Variants in CSMD1 observed in about 807,000 individuals in gnomAD.
CSMD1 encodes the protein CUB and sushi domain-containing protein 1.
A neutral mutation model predicts 417.5 loss-of-function variants in CSMD1; 213 were observed. The observed-to-expected ratio is 0.51, with a 90% CI of 0.46 to 0.57. The LOEUF is 0.57. Ranked by LOEUF, CSMD1 falls within the 20% of genes least tolerant of loss-of-function variation. The pLI is 0.00. For missense variants in CSMD1, 6,923 were observed against 4,529.7 expected, an observed-to-expected ratio of 1.53 and a Z score of -15.17; for synonymous variants, 2,862 against 1,736.8, an observed-to-expected ratio of 1.65 and a Z score of -16.11.
chr8:4,662,138 A>G (rs909325115), intron 1 of CSMD1, among the ~76,000 whole-genome samples: 3 of 152,290 alleles, frequency 2.0e-5, no homozygotes, highest in African/African-American at 4.8e-5. Flanking sequence ...TTGCAGTACA[A>G]TATATAAATT....
chr8:4,948,450 C>G (rs144740523), intron 1 of CSMD1, among the ~76,000 whole-genome samples: 2,387 of 151,960 alleles, frequency 0.016, 26 homozygotes, highest in South Asian at 0.027. Flanking sequence ...CTTTCTATTT[C>G]TTTCTTATCC....
chr8:3,748,150 G>A (rs575825924), intron 6 of CSMD1, among the ~76,000 whole-genome samples: 3 of 152,266 alleles, frequency 2.0e-5, no homozygotes, highest in Admixed American at 6.5e-5. Context: ...TTGTGCCATT[G>A]AGACTTTACA....
chr8:4,665,463 C>T (rs561694597), intron 1 of CSMD1, among the ~76,000 whole-genome samples: 1 of 152,318 alleles, frequency 6.6e-6, no homozygotes, highest in Non-Finnish European at 1.5e-5. Flanking sequence ...CCACAGCTAA[C>T]ACACAAGCAT....
chr8:3,725,022 G>C (rs1585137654), intron 6 of CSMD1, among the ~76,000 whole-genome samples: 2 of 152,170 alleles, frequency 1.3e-5, no homozygotes, highest in African/African-American at 4.8e-5. Context: ...ACGTTATTCT[G>C]GGAAGAGGCC....
At chr8:3,050,959 G>A (rs560904458) in intron 50 of CSMD1, among the ~76,000 whole-genome samples, 4 of 152,314 alleles carry the variant, frequency 2.6e-5, no homozygotes, top group South Asian at 2.1e-4. Context: ...AGATACTGGT[G>A]AGGCAGTGGA....
At chr8:4,490,091 A>G (rs1801625800) in intron 2 of CSMD1, among the ~76,000 whole-genome samples, 1 of 144,646 alleles carries the variant, frequency 6.9e-6, no homozygotes, top group African/African-American at 2.6e-5. Flanking sequence ...ACCAGGCTAG[A>G]GTGCAGTGGC....
chr8:4,043,693 G>C (rs751026779), intron 3 of CSMD1, among the ~76,000 whole-genome samples: 1 of 152,090 alleles, frequency 6.6e-6, no homozygotes, highest in African/African-American at 2.4e-5. Flanking sequence ...TCAGTGTTCT[G>C]AATTACACAT....
At chr8:3,994,791 G>T (rs62501248) in intron 5 of CSMD1, among the ~76,000 whole-genome samples, 1 of 152,080 alleles carries the variant, frequency 6.6e-6, no homozygotes, top group African/African-American at 2.4e-5. Flanking sequence ...TAGCTCAGTG[G>T]GTAATTTCAC....
intron 5 of CSMD1, among the ~76,000 whole-genome samples, chr8:3,903,753 T>A (rs1395327468): frequency 6.6e-6 from 1 of 152,204 alleles, no homozygotes; most frequent in Non-Finnish European, 1.5e-5. Flanking sequence ...GGTGATGGAC[T>A]TTGCCACCTC....
At chr8:3,843,850 G>A (rs929492347) in intron 5 of CSMD1, among the ~76,000 whole-genome samples, 3 of 152,162 alleles carry the variant, frequency 2.0e-5, no homozygotes, top group African/African-American at 7.2e-5. Flanking sequence ...ATGTACCTTC[G>A]AAAGTAAAGA....
At chr8:3,261,279 G>C (rs989223310) in intron 26 of CSMD1, among the ~76,000 whole-genome samples, 2 of 152,136 alleles carry the variant, frequency 1.3e-5, no homozygotes, top group Non-Finnish European at 2.9e-5. Context: ...AATGTAAAAT[G>C]GTACAGCCAT....
At chr8:3,902,650 G>C (rs758634181) in intron 5 of CSMD1, among the ~76,000 whole-genome samples, 16 of 152,038 alleles carry the variant, frequency 1.1e-4, no homozygotes, top group Admixed American at 8.5e-4. Flanking sequence ...GGTAATTCTT[G>C]CTCATTGCCA....
intron 18 of CSMD1, among the ~76,000 whole-genome samples, chr8:3,382,590 A>G (rs948004457): frequency 1.6e-5 from 2 of 126,206 alleles, no homozygotes; most frequent in African/African-American, 5.8e-5. Flanking sequence ...AGATATATAA[A>G]TATCTCTATA....
intron 3 of CSMD1, among the ~76,000 whole-genome samples, chr8:4,368,538 G>C (rs369172967): frequency 2.0e-5 from 3 of 152,112 alleles, no homozygotes; most frequent in Non-Finnish European, 4.4e-5. Flanking sequence ...AATCATTTTA[G>C]TAAGATAGGT....
intron 21 of CSMD1, among the ~76,000 whole-genome samples, chr8:3,354,561 T>C (rs1447676034): frequency 6.6e-6 from 1 of 152,118 alleles, no homozygotes; most frequent in African/African-American, 2.4e-5. Context: ...AATCAAAATA[T>C]GCAATTCCAT....
intron 3 of CSMD1, among the ~76,000 whole-genome samples, chr8:4,043,333 T>C (rs910428938): frequency 1.3e-5 from 2 of 150,966 alleles, no homozygotes; most frequent in Admixed American, 6.6e-5. Context: ...AAAAAGAAAA[T>C]GAATGAGAAA....
intron 1 of CSMD1, among the ~76,000 whole-genome samples, chr8:4,919,796 C>T (rs528643311): frequency 5.9e-5 from 9 of 152,128 alleles, no homozygotes; most frequent in African/African-American, 2.2e-4. Flanking sequence ...AGTAGGTCCC[C>T]CCATTATAAA....
intron 25 of CSMD1, among the ~76,000 whole-genome samples, chr8:3,290,438 A>G (rs1803464132): frequency 6.8e-6 from 1 of 146,150 alleles, no homozygotes; most frequent in African/African-American, 2.8e-5. Context: ...TTTTCACAAT[A>G]TTGATTCTTC....
At chr8:3,781,114 A>C (rs1416290910) in intron 5 of CSMD1, among the ~76,000 whole-genome samples, 1 of 152,134 alleles carries the variant, frequency 6.6e-6, no homozygotes, top group Non-Finnish European at 1.5e-5. Flanking sequence ...AAGAAGCCAA[A>C]AACACCTTCA....
Sources: gnomAD v4.1 joint callset for allele counts (sites outside exome capture counted in the v4.1 genomes callset) on GRCh38, gnomAD v4.1.1 for gene constraint, MANE v1.5 for transcripts, NCBI Gene and HGNC (gene_info 2026-07-23, HGNC 2026-07-21) for gene names.